UBE2QL1: variants seen among roughly 807,000 people sequenced by gnomAD.
The protein encoded by UBE2QL1 is ubiquitin conjugating enzyme E2 QL1.
A neutral mutation model predicts 12.6 loss-of-function variants in UBE2QL1; 5 were observed. That is an observed-to-expected ratio of 0.40 (90% confidence interval 0.21 to 0.83). The LOEUF (loss-of-function observed/expected upper bound fraction) is 0.83. Ranked by LOEUF, UBE2QL1 falls within the 40% of genes least tolerant of loss-of-function variation. UBE2QL1 has a pLI of 0.37. For missense variants in UBE2QL1, 99 were observed against 222.6 expected, an observed-to-expected ratio of 0.44 and a Z score of 3.53; for synonymous variants, 96 against 94.5, an observed-to-expected ratio of 1.02 and a Z score of -0.10.
At chr5:6,480,292 CG>C (rs1734333127) in intron 1 of UBE2QL1, among the ~76,000 whole-genome samples, 1 of 152,182 alleles carries the variant, frequency 6.6e-6, no homozygotes, top group African/African-American at 2.4e-5. Context: ...TCCATTTTCT[CG>C]TCTGTAAAAT....
In UBE2QL1 at chr5:6,476,105, A is replaced by G. The variant is rs373471118; in HGVS notation, c.355-15113A>G. On this transcript the variant is annotated intron_variant, in intron 1 of 1. Coordinates refer to ENST00000399816, the MANE Select transcript of UBE2QL1 (RefSeq NM_001145161.3). The surrounding 1 kb of genome is among the most constrained non-coding windows in gnomAD (Gnocchi z 4.9). ...CAGGGTGGGGTATGCCTGCTTAGTC[A>G]TGGATGAGTATCTGGAAAGCTCAGG... Among the ~76,000 whole-genome samples, 1 of 152,086 alleles carries G rather than the reference A, an allele frequency of 6.6e-6. No homozygotes were observed. Among genetic ancestry groups the G allele is most frequent in the East Asian group, 1.9e-4 (1 of 5,182 alleles).
intron 1 of UBE2QL1, among the ~76,000 whole-genome samples, chr5:6,460,580 A>G (rs1478539995): frequency 6.6e-6 from 1 of 152,200 alleles, no homozygotes; most frequent in East Asian, 1.9e-4. Flanking sequence ...CTGACATGCC[A>G]TCATCAAATG....
rs1049404878 is a variant in UBE2QL1 at position 6,496,217 on chromosome 5, A to C, written c.*4868A>C. Among the ~76,000 whole-genome samples, 1 of 152,160 alleles carries C rather than the reference A, an allele frequency of 6.6e-6. No homozygotes were observed. The highest frequency in any genetic ancestry group is 2.4e-5 in the African/African-American group (1 of 41,444). ...TGTCTCTCGCAGAATTAAAGCCAGG[A>C]GGTGGCTTTCTCTTTCCTTCTACTG... is the stretch of plus-strand genomic sequence containing the variant. On this transcript the variant is annotated 3_prime_UTR_variant, in exon 2 of 2. Coordinates refer to ENST00000399816, the MANE Select transcript of UBE2QL1 (RefSeq NM_001145161.3).
chr5:6,453,436 G>A (rs927398277), intron 1 of UBE2QL1, among the ~76,000 whole-genome samples: 12 of 152,126 alleles, frequency 7.9e-5, no homozygotes, highest in Admixed American at 1.3e-4. Flanking sequence ...CCAGCCATCC[G>A]CAAAAGATTC....
intron 1 of UBE2QL1, among the ~76,000 whole-genome samples, chr5:6,459,594 C>T (rs1389322537): frequency 6.6e-6 from 1 of 152,056 alleles, no homozygotes; most frequent in Admixed American, 6.5e-5. Context: ...TCAAAGGAAG[C>T]CAATTATATT....
chr5:6,491,611 T>G lies in UBE2QL1; in HGVS notation c.*262T>G. 1 of 280,208 alleles carries G rather than the reference T, an allele frequency of 3.6e-6. No individual in the cohort carries two copies. Among genetic ancestry groups the G allele is most frequent in the Non-Finnish European group, 6.3e-6 (1 of 157,610 alleles). 17.4% of individuals were successfully genotyped at this position (280,208 alleles called of 1,614,324 possible). A position where few individuals can be genotyped will look rare whatever the true frequency, so the allele number is the denominator to read the frequency against. On this transcript the variant is annotated 3_prime_UTR_variant, in exon 2 of 2. Coordinates refer to ENST00000399816, the MANE Select transcript of UBE2QL1 (RefSeq NM_001145161.3). ...AGAACACATGTTGAGATGGTGACATTTCCCAGCCTGCCTGCCCCTCTGCCC... is the reference window on the plus strand; with the variant it reads ...AGAACACATGTTGAGATGGTGACATGTCCCAGCCTGCCTGCCCCTCTGCCC...
chr5:6,484,106 T>C (rs1006752491), intron 1 of UBE2QL1, among the ~76,000 whole-genome samples: 2 of 152,168 alleles, frequency 1.3e-5, no homozygotes, highest in African/African-American at 2.4e-5. Context: ...CAGCTAGTCA[T>C]GGGGGATGCA....
At chr5:6,467,731 G>T (rs1739827289) in intron 1 of UBE2QL1, among the ~76,000 whole-genome samples, 2 of 152,048 alleles carry the variant, frequency 1.3e-5, no homozygotes, top group Admixed American at 6.6e-5. Context: ...TCTTTGCCGG[G>T]GGTCTCTGCC....
At chr5:6,459,508 C>T (rs953770460) in intron 1 of UBE2QL1, among the ~76,000 whole-genome samples, 1 of 152,108 alleles carries the variant, frequency 6.6e-6, no homozygotes, top group Non-Finnish European at 1.5e-5. Context: ...TGCATGGCCT[C>T]GAGGTGTCTG....
intron 1 of UBE2QL1, among the ~76,000 whole-genome samples, chr5:6,463,100 C>T (rs1163576848): frequency 6.6e-6 from 1 of 152,154 alleles, no homozygotes; most frequent in Non-Finnish European, 1.5e-5. Context: ...GTACATTGCA[C>T]CCAATCTTAA....
intron 1 of UBE2QL1, among the ~76,000 whole-genome samples, chr5:6,484,792 C>G (rs1368103376): frequency 6.6e-6 from 1 of 151,880 alleles, no homozygotes; most frequent in African/African-American, 2.4e-5. Flanking sequence ...TGCTTGTTCC[C>G]TCCCTGCACT....
chr5:6,495,877 C>G lies in UBE2QL1; in HGVS notation c.*4528C>G, dbSNP rs567998400. On this transcript the variant is annotated 3_prime_UTR_variant, in exon 2 of 2. Transcript: ENST00000399816. ...CTCTAGTTCCCATAGTATTAAATAT[C>G]ATTTTTAAGCCCAGGGCCTGTCTGA... 6.6e-6 allele frequency among the ~76,000 whole-genome samples: 1 copy of G among 152,318 alleles called. No individual in the cohort carries two copies. The highest frequency in any genetic ancestry group is 2.4e-5 in the African/African-American group (1 of 41,564).
chr5:6,469,518 TTATG>T (rs986971237), intron 1 of UBE2QL1, among the ~76,000 whole-genome samples: 53 of 148,018 alleles, frequency 3.6e-4, no homozygotes, highest in African/African-American at 1.3e-3. Flanking sequence ...ATATATGTAA[TTATG>T]TATATCTATA....
At chr5:6,468,471 C>T (rs557161373) in intron 1 of UBE2QL1, among the ~76,000 whole-genome samples, 5 of 152,270 alleles carry the variant, frequency 3.3e-5, no homozygotes, top group African/African-American at 7.2e-5. Flanking sequence ...ACAACAGACA[C>T]GGGCTGACTG....
rs1734564764 is a variant in UBE2QL1 at position 6,491,330 on chromosome 5, C to T, written c.467C>T (p.Pro156Leu). Reference sequence around the variant, plus strand: ...CATGAAAAATATGGTTGGGTCACCCCGCCCGTGTCCGACGGCTGATGTCTG... The same window carrying T: ...CATGAAAAATATGGTTGGGTCACCCTGCCCGTGTCCGACGGCTGATGTCTG... ...KTHEKYGWVT[P>L]PVSDG is the part of the protein sequence containing the mutation. The change falls in exon 2 of 2, where the codon CCG becomes CTG. Residue 156 changes from proline to leucine, a missense_variant. Coordinates refer to ENST00000399816, the MANE Select transcript of UBE2QL1 (RefSeq NM_001145161.3). The T allele has an allele frequency of 1.3e-6, 2 of 1,550,906 alleles. No homozygotes were observed. Among genetic ancestry groups the T allele is most frequent in the East Asian group, 2.4e-5 (1 of 40,930 alleles).
chr5:6,450,085 G>GCCC (rs1739382589), intron 1 of UBE2QL1, among the ~76,000 whole-genome samples: 1 of 110,938 alleles, frequency 9.0e-6, no homozygotes, highest in African/African-American at 3.0e-5. Context: ...GACAAGACCA[G>GCCC]ACCCCCCCCC....
In UBE2QL1 at chr5:6,493,099, A is replaced by G. The variant is rs1734607010; in HGVS notation, c.*1750A>G. The G allele has an allele frequency of 6.6e-6, 1 of 152,242 alleles. No individual in the cohort carries two copies. Among genetic ancestry groups the G allele is most frequent in the South Asian group, 2.1e-4 (1 of 4,830 alleles). 9.4% of individuals were successfully genotyped at this position (152,242 alleles called of 1,614,324 possible). ...CTCTGCCAGACCAAAATGACAGTGTATTAAGAATGCAGGGCCTGCTCAGCT... is the reference window on the plus strand; with the variant it reads ...CTCTGCCAGACCAAAATGACAGTGTGTTAAGAATGCAGGGCCTGCTCAGCT... On this transcript the variant is annotated 3_prime_UTR_variant, in exon 2 of 2. Transcript: ENST00000399816.
chr5:6,473,513 C>T (rs1285414101), intron 1 of UBE2QL1, among the ~76,000 whole-genome samples: 7 of 152,242 alleles, frequency 4.6e-5, no homozygotes, highest in Admixed American at 2.6e-4. Context: ...GGCCACATGG[C>T]CCCATCTGAC....
chr5:6,450,008 G>A (rs1479842006), intron 1 of UBE2QL1, among the ~76,000 whole-genome samples: 2 of 151,890 alleles, frequency 1.3e-5, no homozygotes, highest in African/African-American at 4.8e-5. Flanking sequence ...TCCTGGAAAG[G>A]TGGAAATTTT....
Sources: allele counts gnomAD v4.1 joint callset (sites outside exome capture counted in the v4.1 genomes callset), GRCh38; gene constraint gnomAD v4.1.1; non-coding constraint Gnocchi (gnomAD v3.1); transcripts MANE v1.5; gene names NCBI Gene and HGNC (gene_info 2026-07-23, HGNC 2026-07-21).